The following MSH6 variants were observed in gnomAD, a reference collection of about 807,000 sequenced individuals.
MSH6 encodes the protein mutS homolog 6.
A neutral mutation model predicts 119.1 loss-of-function variants in MSH6; 85 were observed. The observed-to-expected ratio is 0.71, with a 90% CI of 0.60 to 0.85. The LOEUF is 0.85. Among genes scored for constraint, MSH6 ranks in the 40% least tolerant of loss-of-function variants. MSH6 has a pLI of 0.00. For synonymous variants in MSH6, 830 were observed against 586.9 expected, an observed-to-expected ratio of 1.41 and a Z score of -5.99; for missense variants, 2,163 against 1,655.3, an observed-to-expected ratio of 1.31 and a Z score of -5.32.
downstream of MSH6, chr2:47,806,974 T>G: frequency 1.2e-6 from 1 of 845,700 alleles, no homozygotes; most frequent in Non-Finnish European, 1.9e-6. Flanking sequence ...ATTTTCTTTC[T>G]AGGAAATTAA....
chr2:47,783,628 G>A (rs993010170), intron 1 of MSH6, 135 bp downstream of exon 1: 6 of 957,744 alleles, frequency 6.3e-6, no homozygotes, highest in Admixed American at 7.2e-5. Context: ...GGGCCGCAGA[G>A]TTGGCTTGAA....
In MSH6 at chr2:47,805,468, GTGCCCGGCCAATAAT is replaced by G. The variant is rs1669935210; in HGVS notation, c.3557-146_3557-132del. On this transcript the variant is annotated intron_variant, in intron 6 of 9. Transcript: ENST00000234420. ...GCTGGGATTACAGGCGTGAGCCACC[GTGCCCGGCCAATAAT>G]TGCATAGTCTCTTAATGAGATTTAA... 11 of 677,880 alleles carry G rather than the reference GTGCCCGGCCAATAAT, an allele frequency of 1.6e-5. 1 individual carries two copies. The Admixed American group carries it at 2.6e-4, about 16-fold the overall frequency. 42.0% of individuals were successfully genotyped at this position (677,880 alleles called of 1,614,324 possible). A position where few individuals can be genotyped will look rare whatever the true frequency, so the allele number is the denominator to read the frequency against.
At chr2:47,805,380 C>T (rs184947035) in intron 6 of MSH6, among the ~76,000 whole-genome samples, 8 of 152,228 alleles carry the variant, frequency 5.3e-5, no homozygotes, top group South Asian at 2.1e-4. Flanking sequence ...GGGGTTTCAC[C>T]ATGTTAGGCT....
At chr2:47,804,412 G>C (rs1245324857) in intron 5 of MSH6, among the ~76,000 whole-genome samples, 1 of 152,132 alleles carries the variant, frequency 6.6e-6, no homozygotes, top group Non-Finnish European at 1.5e-5. Flanking sequence ...GGTCCCCGCT[G>C]CTCTCCTGCA....
Position 47,799,715 on chromosome 2 carries a change from C to T in MSH6, c.1732C>T (p.His578Tyr), listed in dbSNP as rs768854566. Residue 578 changes from histidine to tyrosine, a missense_variant, in exon 4 of 10, where the codon CAT becomes TAT. Coordinates refer to ENST00000234420, the MANE Select transcript of MSH6 (RefSeq NM_000179.3). ...FFIGQFSDDR[H>Y]CSRFRTLVAH... is the part of the protein sequence containing the mutation. The stretch of plus-strand genomic sequence containing the variant: ...CATAGGTCAGTTTTCAGATGATCGC[C>T]ATTGTTCGAGATTTAGGACTCTAGT... 3.7e-6 allele frequency: 6 copies of T among 1,614,050 alleles called. No individual in the cohort carries two copies. The African/African-American group carries it at 8.0e-5, about 22-fold the overall frequency.
At chr2:47,791,760 C>A (rs2104128836) in intron 2 of MSH6, among the ~76,000 whole-genome samples, 1 of 150,692 alleles carries the variant, frequency 6.6e-6, no homozygotes, top group African/African-American at 2.4e-5. Context: ...CCCACTGCAA[C>A]CTCCGTCTCC....
intron 2 of MSH6, among the ~76,000 whole-genome samples, chr2:47,792,383 G>A (rs1403332473): frequency 6.6e-6 from 1 of 152,124 alleles, no homozygotes; most frequent in East Asian, 1.9e-4. Flanking sequence ...AAGGATTGGG[G>A]GCATTTTGTC....
In MSH6 at chr2:47,804,927, A is replaced by G. The variant is rs750998416; in HGVS notation, c.3456A>G (p.Val1152=). Residue 1152 remains valine, a synonymous_variant, in exon 6 of 10, where the codon GTA becomes GTG. Transcript: ENST00000234420. ...ATTCACAGGCTGGCTTATTAGCTGT[A>G]ATGGCCCAGATGGGTTGTTACGTCC... The part of the protein sequence containing the change: ...TLMRQAGLLA[V]MAQMGCYVPA... 3 of 1,614,074 alleles carry G rather than the reference A, an allele frequency of 1.9e-6. No homozygotes were observed. The highest frequency in any genetic ancestry group is 1.1e-5 in the South Asian group (1 of 91,092).
In MSH6 at chr2:47,803,487, G is replaced by A. The variant is rs1114167739; in HGVS notation, c.3240G>A (p.Leu1080=). 8 of 1,614,032 alleles carry A rather than the reference G, an allele frequency of 5.0e-6. No homozygotes were observed. The highest frequency in any genetic ancestry group is 6.8e-6 in the Non-Finnish European group (8 of 1,180,030). ...GTCCTATGTGTCGCCCAGTAATTCT[G>A]TTGCCGGAAGATACCCCCCCCTTCT... The part of the protein sequence containing the change: ...GDGPMCRPVI[L]LPEDTPPFLE... Residue 1080 remains leucine, a synonymous_variant, in exon 5 of 10, where the codon CTG becomes CTA. Coordinates refer to ENST00000234420, the MANE Select transcript of MSH6 (RefSeq NM_000179.3).
In MSH6 at chr2:47,806,577, A is replaced by C; in HGVS notation, c.3927A>C (p.Pro1309=). The C allele has an allele frequency of 2.5e-6, 4 of 1,613,806 alleles. No individual in the cohort carries two copies. The highest frequency in any genetic ancestry group is 3.4e-6 in the Non-Finnish European group (4 of 1,179,910). The change falls in exon 9 of 10, where the codon CCA becomes CCC. Residue 1309 remains proline, a synonymous_variant. Transcript: ENST00000234420. ...GFNAARLANL[P]EEVIQKGHRK... is the part of the protein sequence containing the mutation. Reference sequence around the variant, plus strand: ...ATGCAGCAAGGCTTGCTAATCTCCCAGAGGAAGTTATTCAAAAGGGACATA... The same window carrying C: ...ATGCAGCAAGGCTTGCTAATCTCCCCGAGGAAGTTATTCAAAAGGGACATA...
chr2:47,795,804 A>G lies in MSH6; in HGVS notation c.458-90A>G, dbSNP rs1039997220. 38 of 1,094,972 alleles carry G rather than the reference A, an allele frequency of 3.5e-5. 1 individual carries two copies. Among genetic ancestry groups the G allele is most frequent in the Admixed American group, 2.3e-4 (12 of 52,244 alleles). The allele number at this position is 1,094,972 out of a possible 1,614,324, so 67.8% of individuals were successfully genotyped here. On this transcript the variant is annotated intron_variant, in intron 2 of 9. Coordinates refer to ENST00000234420, the MANE Select transcript of MSH6 (RefSeq NM_000179.3). ...TTTTAAGATAGAGATGGGGTTTGCT[A>G]TGTTGCCCAGGCTGGTCTTGAACTG... is the stretch of plus-strand genomic sequence containing the variant.
At chr2:47,788,246 CTTTTTTTTTTTT>C (rs560110301) in intron 1 of MSH6, among the ~76,000 whole-genome samples, 97 of 90,050 alleles carry the variant, frequency 1.1e-3, no homozygotes, top group African/African-American at 4.2e-3. Context: ...TTCTTTCTTT[CTTTTTTTTTTTT>C]TTTTTTTTTT....
At chr2:47,787,644 G>A (rs1283329672) in intron 1 of MSH6, among the ~76,000 whole-genome samples, 1 of 152,130 alleles carries the variant, frequency 6.6e-6, no homozygotes, top group African/African-American at 2.4e-5. Flanking sequence ...GGCAGGCAGT[G>A]TTTTGCTTTG....
intron 1 of MSH6, among the ~76,000 whole-genome samples, chr2:47,787,282 CCT>C (rs3136254): frequency 0.073 from 11,062 of 151,996 alleles, 569 homozygotes; most frequent in Non-Finnish European, 0.11. Context: ...AGAGTCAGAC[CCT>C]GTCTGCCAAA....
In MSH6 at chr2:47,806,063, T is replaced by TAAAC; in HGVS notation, c.3647-138_3647-135dup. On this transcript the variant is annotated intron_variant, in intron 7 of 9. Coordinates refer to ENST00000234420, the MANE Select transcript of MSH6 (RefSeq NM_000179.3). ...GGGCTGCTAAGCAGACTCGTGTAGCTAAACAAGGCCTATTTATAGAATGCT... is the reference window on the plus strand; with the variant it reads ...GGGCTGCTAAGCAGACTCGTGTAGCTAAACAAACAAGGCCTATTTATAGAATGCT... The TAAAC allele has an allele frequency of 3.6e-6, 3 of 832,808 alleles. No individual in the cohort carries two copies. The South Asian group carries it at 4.5e-5, about 12-fold the overall frequency. The allele number at this position is 832,808 out of a possible 1,614,324, so 51.6% of individuals were successfully genotyped here.
intron 4 of MSH6, among the ~76,000 whole-genome samples, chr2:47,802,083 A>G (rs547940399): frequency 6.6e-6 from 1 of 152,322 alleles, no homozygotes; most frequent in South Asian, 2.1e-4. Context: ...TGTTGATCCA[A>G]CATTTAAAAA....
chr2:47,786,874 G>A lies in MSH6; in HGVS notation c.260+3381G>A, dbSNP rs536269455. 2.4e-4 allele frequency among the ~76,000 whole-genome samples: 36 copies of A among 152,184 alleles called. 1 individual carries two copies. The highest frequency in any genetic ancestry group is 8.7e-4 in the African/African-American group (36 of 41,528). On this transcript the variant is annotated intron_variant, in intron 1 of 9. Coordinates refer to ENST00000234420, the MANE Select transcript of MSH6 (RefSeq NM_000179.3). ...TGGTGTTGAACTCTTGCTCTCAAGC[G>A]ATCCTCCCACTTCAGCCTCCCAACC...
At chr2:47,788,922 G>GTTTTTTTTTGT (rs1668542642) in intron 1 of MSH6, among the ~76,000 whole-genome samples, 5 of 40,956 alleles carry the variant, frequency 1.2e-4, no homozygotes, top group African/African-American at 5.0e-4. Flanking sequence ...TTTTTTTTTT[G>GTTTTTTTTTGT]TTTTTTTTTT....
At chr2:47,788,198 T>G (rs1461613382) in intron 1 of MSH6, among the ~76,000 whole-genome samples, 2 of 151,866 alleles carry the variant, frequency 1.3e-5, no homozygotes, top group African/African-American at 4.8e-5. Flanking sequence ...ATTTTTAGTC[T>G]TAGCATTTTA....
Sources: allele counts gnomAD v4.1 joint callset (sites outside exome capture counted in the v4.1 genomes callset), GRCh38; gene constraint gnomAD v4.1.1; transcripts MANE v1.5; gene names NCBI Gene and HGNC (gene_info 2026-07-23, HGNC 2026-07-21).